Variants in DLG2 observed in about 807,000 individuals in gnomAD.
The protein encoded by DLG2 is discs large MAGUK scaffold protein 2.
DLG2 carries 45 observed loss-of-function variants against 132.5 expected under a neutral mutation model. The observed-to-expected ratio is 0.34, with a 90% confidence interval of 0.27 to 0.44. The LOEUF (loss-of-function observed/expected upper bound fraction) is 0.44, where lower values mean the gene tolerates loss of function less well. Ranked by LOEUF, DLG2 falls within the 20% of genes least tolerant of loss-of-function variation. DLG2 has a pLI of 1.00. For synonymous variants in DLG2, 424 were observed against 419.6 expected (o/e 1.01, Z -0.13); for missense variants, 1,045 against 1,196.9 (o/e 0.87, Z 1.87).
At position 84,868,892 on chromosome 11, in the gene DLG2, C is replaced by T. The variant is rs558458771; in HGVS notation, c.357+242769G>A. Reference sequence around the variant, plus strand: ...TAATTATTGAATAACTGGATAAAGTCATATCTGACTATACTATGAGTTTTC... The same window carrying T: ...TAATTATTGAATAACTGGATAAAGTTATATCTGACTATACTATGAGTTTTC... On this transcript the variant is annotated intron_variant, in intron 6 of 27. Transcript: ENST00000376104. 3.9e-4 allele frequency among the ~76,000 whole-genome samples: 60 copies of T among 152,286 alleles called. 2 individuals are homozygous for T. Among genetic ancestry groups the T allele is most frequent in the African/African-American group, 1.4e-3 (58 of 41,552 alleles).
intron 18 of DLG2, among the ~76,000 whole-genome samples, chr11:83,776,008 T>C (rs546295711): frequency 2.8e-4 from 42 of 152,182 alleles, no homozygotes; most frequent in Non-Finnish European, 4.6e-4. Context: ...AGGAGAATGG[T>C]GTGAACCCAG....
At chr11:84,107,013 T>A (rs61897632) in intron 9 of DLG2, among the ~76,000 whole-genome samples, 16,766 of 125,428 alleles carry the variant, frequency 0.13, 2,126 homozygotes, top group African/African-American at 0.33. Context: ...TGTGTGTGTG[T>A]GAGAGAGTTT....
intron 8 of DLG2, among the ~76,000 whole-genome samples, chr11:84,221,708 C>T (rs2096918522): frequency 6.6e-6 from 1 of 151,916 alleles, no homozygotes; most frequent in African/African-American, 2.4e-5. Context: ...TTTTCTTTTA[C>T]GTGAATTGGG....
intron 6 of DLG2, among the ~76,000 whole-genome samples, chr11:84,972,963 T>C (rs201039307): frequency 1.1e-4 from 16 of 148,484 alleles, no homozygotes; most frequent in East Asian, 4.0e-4. Flanking sequence ...TTTTTTTTTT[T>C]CTTTTTTTTT....
rs150779324 is a variant in DLG2, at chr11:84,828,804, G to A, written c.357+282857C>T. 4.6e-3 allele frequency among the ~76,000 whole-genome samples: 700 copies of A among 151,866 alleles called. 6 individuals carry two copies. Among genetic ancestry groups the A allele is most frequent in the Admixed American group, 9.3e-3 (141 of 15,216 alleles). On this transcript the variant is annotated intron_variant, in intron 6 of 27. Transcript: ENST00000376104. The stretch of plus-strand genomic sequence containing the variant: ...CTCTACTGAATGCTGTAAAAATGCA[G>A]AATAATCATTTATTGTACGGCTATG...
At chr11:84,247,611 A>AGG (rs967910061) in intron 8 of DLG2, among the ~76,000 whole-genome samples, 10 of 152,184 alleles carry the variant, frequency 6.6e-5, no homozygotes, top group Middle Eastern at 3.2e-3. Flanking sequence ...GACAGAGCTT[A>AGG]CTTAAGGCAT....
chr11:85,276,144 T>C (rs1393898999), intron 4 of DLG2, among the ~76,000 whole-genome samples: 1 of 152,158 alleles, frequency 6.6e-6, no homozygotes, highest in African/African-American at 2.4e-5. Context: ...TTATTGGCAG[T>C]TCTGCCTCCT....
At chr11:84,304,391 T>G (rs74404751) in intron 7 of DLG2, among the ~76,000 whole-genome samples, 1 of 152,292 alleles carries the variant, frequency 6.6e-6, no homozygotes, top group East Asian at 1.9e-4. Context: ...AGAGCTCAAA[T>G]GAAAGGATTA....
At chr11:85,005,280 T>C (rs2058552536) in intron 6 of DLG2, among the ~76,000 whole-genome samples, 1 of 152,194 alleles carries the variant, frequency 6.6e-6, no homozygotes, top group African/African-American at 2.4e-5. Context: ...GGTGATAGCT[T>C]GATGGGGATA....
intron 15 of DLG2, 71 bp downstream of exon 15, chr11:83,930,257 G>A (rs568232324): frequency 1.3e-6 from 2 of 1,551,228 alleles, no homozygotes; most frequent in Admixed American, 3.4e-5. Flanking sequence ...AGCAGAGGCG[G>A]ATTCTACCCA....
At chr11:83,518,349 C>A (rs926172862) in intron 21 of DLG2, among the ~76,000 whole-genome samples, 1 of 152,216 alleles carries the variant, frequency 6.6e-6, no homozygotes, top group Non-Finnish European at 1.5e-5. Context: ...CCTGGTGTGA[C>A]GTTTGCTAAG....
At chr11:83,943,301 G>T (rs1194066341) in intron 14 of DLG2, among the ~76,000 whole-genome samples, 1 of 152,054 alleles carries the variant, frequency 6.6e-6, no homozygotes, top group African/African-American at 2.4e-5. Context: ...ATTTTTTCTT[G>T]TAACTCCAGG....
At chr11:83,802,838 G>C (rs2044830775) in intron 17 of DLG2, among the ~76,000 whole-genome samples, 1 of 152,108 alleles carries the variant, frequency 6.6e-6, no homozygotes, top group Non-Finnish European at 1.5e-5. Flanking sequence ...TGCCTGCAAG[G>C]TTACACAGTG....
At chr11:85,337,720 C>T (rs2082226573) in intron 3 of DLG2, among the ~76,000 whole-genome samples, 2 of 152,166 alleles carry the variant, frequency 1.3e-5, no homozygotes, top group Non-Finnish European at 2.9e-5. Flanking sequence ...GTGCTCTACA[C>T]TGGAAGAAAA....
chr11:85,241,970 C>T (rs1188012250), intron 4 of DLG2, among the ~76,000 whole-genome samples: 1 of 151,946 alleles, frequency 6.6e-6, no homozygotes, highest in Non-Finnish European at 1.5e-5. Flanking sequence ...GCAATCCTAA[C>T]TCAAACACAT....
In DLG2 at chr11:84,022,051, C is replaced by T. The variant is rs146295168; in HGVS notation, c.919+37264G>A. 2.7e-4 allele frequency among the ~76,000 whole-genome samples: 41 copies of T among 152,216 alleles called. No individual in the cohort carries two copies. In the East Asian group the frequency reaches 5.6e-3, roughly 21 times the overall value. On this transcript the variant is annotated intron_variant, in intron 11 of 27. Transcript: ENST00000376104. ...TGTGAGTCACCCCACCTGGACAAAA[C>T]AACCGCTTCTTACTGAACACATCAG...
intron 4 of DLG2, among the ~76,000 whole-genome samples, chr11:85,233,161 A>G (rs192313076): frequency 6.6e-6 from 1 of 151,788 alleles, no homozygotes; most frequent in Admixed American, 6.6e-5. Context: ...GTTCTGACAT[A>G]TGGGTGATTT....
At chr11:83,804,649 C>T (rs1175234113) in intron 17 of DLG2, among the ~76,000 whole-genome samples, 2 of 149,320 alleles carry the variant, frequency 1.3e-5, no homozygotes, top group African/African-American at 4.9e-5. Flanking sequence ...ATGTTGCAGA[C>T]GTCATTCCAC....
At chr11:84,699,734 T>C (rs947616971) in intron 6 of DLG2, among the ~76,000 whole-genome samples, 1 of 151,586 alleles carries the variant, frequency 6.6e-6, no homozygotes, top group Non-Finnish European at 1.5e-5. Flanking sequence ...CTTTCTTGTT[T>C]GGTATATGCA....
Sources: allele counts gnomAD v4.1 joint callset (sites outside exome capture counted in the v4.1 genomes callset), GRCh38; gene constraint gnomAD v4.1.1; transcripts MANE v1.5; gene names NCBI Gene and HGNC (gene_info 2026-07-23, HGNC 2026-07-21).